Variants in CACHD1 observed in about 807,000 individuals in gnomAD.
CACHD1 encodes cache domain containing 1, also known as VWFA and cache domain-containing protein 1.
In CACHD1, 71 loss-of-function variants were observed where a neutral mutation model predicts 138.7. That is an observed-to-expected ratio of 0.51 (90% confidence interval 0.42 to 0.62). The LOEUF (loss-of-function observed/expected upper bound fraction) is 0.62. Ranked by LOEUF, CACHD1 falls within the 20% of genes least tolerant of loss-of-function variation. The pLI is 0.00. For missense variants in CACHD1, 1,389 were observed against 1,625.3 expected, an observed-to-expected ratio of 0.85 and a Z score of 2.50; for synonymous variants, 578 against 591.5, an observed-to-expected ratio of 0.98 and a Z score of 0.33.
chr1:64,664,181 G>A (rs1182111498), intron 14 of CACHD1: 12 of 451,062 alleles, frequency 2.7e-5, no homozygotes, highest in Admixed American at 7.5e-5. Flanking sequence ...ATAAATATAA[G>A]TATAAAGTTT....
intron 26 of CACHD1, among the ~76,000 whole-genome samples, chr1:64,688,448 C>T (rs1335211707): frequency 1.3e-5 from 2 of 152,094 alleles, no homozygotes; most frequent in African/African-American, 2.4e-5. Flanking sequence ...AGTATCTGAA[C>T]CTAGAAACCT....
At chr1:64,499,452 G>A (rs1646325164) in intron 1 of CACHD1, among the ~76,000 whole-genome samples, 1 of 152,208 alleles carries the variant, frequency 6.6e-6, no homozygotes, top group Admixed American at 6.5e-5. Flanking sequence ...GCAACCCTAG[G>A]GAGCTCAGTA....
chr1:64,690,023 C>T (rs76542296), intron 26 of CACHD1, among the ~76,000 whole-genome samples: 3,898 of 152,232 alleles, frequency 0.026, 160 homozygotes, highest in African/African-American at 0.089. Flanking sequence ...CCTCTTCTCC[C>T]GCTCCAGCCC....
chr1:64,603,099 C>CTTTTTTTTTTTT (rs34372401), intron 4 of CACHD1, among the ~76,000 whole-genome samples, 187 bp downstream of exon 4: 1 of 64,896 alleles, frequency 1.5e-5, no homozygotes, highest in African/African-American at 5.0e-5. Flanking sequence ...AAGCTTACAT[C>CTTTTTTTTTTTT]TTTTTTTTTT....
chr1:64,502,438 C>G (rs1164962959), intron 1 of CACHD1, among the ~76,000 whole-genome samples: 1 of 152,124 alleles, frequency 6.6e-6, no homozygotes, highest in Non-Finnish European at 1.5e-5. Flanking sequence ...CTCATTATTA[C>G]TGAATTCCAG....
At position 64,693,040 on chromosome 1, in the gene CACHD1, C is replaced by A. The variant is rs1650613096; in HGVS notation, c.*1479C>A. The A allele has an allele frequency of 6.6e-6, 1 of 152,622 alleles. No individual in the cohort carries two copies. The highest frequency in any genetic ancestry group is 2.4e-5 in the African/African-American group (1 of 41,460). The allele number at this position is 152,622 out of a possible 1,614,324, so 9.5% of individuals were successfully genotyped here. A position where few individuals can be genotyped will look rare whatever the true frequency, so the allele number is the denominator to read the frequency against. ...TAAAATTGCAATCTAGTGAAATAAACCGTATGCAATGGACCATTTTAGTGG... is the reference window on the plus strand; with the variant it reads ...TAAAATTGCAATCTAGTGAAATAAAACGTATGCAATGGACCATTTTAGTGG... On this transcript the variant is annotated 3_prime_UTR_variant, in exon 27 of 27. Transcript: ENST00000651257.
intron 15 of CACHD1, among the ~76,000 whole-genome samples, chr1:64,665,624 G>A (rs768391122): frequency 1.8e-4 from 28 of 152,084 alleles, no homozygotes; most frequent in Admixed American, 5.2e-4. Flanking sequence ...GAATCCTTTT[G>A]CATTTCAGTG....
At chr1:64,586,991 T>C (rs1647056180) in intron 3 of CACHD1, among the ~76,000 whole-genome samples, 1 of 152,196 alleles carries the variant, frequency 6.6e-6, no homozygotes. Flanking sequence ...TGTATATGTA[T>C]TAATACTGCC....
rs764044897 is a variant in CACHD1 at position 64,602,879 on chromosome 1, C to T, written c.484C>T (p.Arg162Trp). Residue 162 changes from arginine to tryptophan, a missense_variant, in exon 4 of 27, where the codon CGG becomes TGG. By Grantham distance (101) the Arg-to-Trp change is moderately radical (BLOSUM62 -3). This residue lies in a region of CACHD1 where 1,000 missense variants were observed against 1,114.7 expected (regional missense o/e 0.90). Transcript: ENST00000651257. Reference protein sequence around the residue: ...CDRLSTTVNSRAFNPGRDLNS... With the variant: ...CDRLSTTVNSWAFNPGRDLNS... The stretch of plus-strand genomic sequence containing the variant: ...TCGACTTTCTACTACTGTTAATAGC[C>T]GGGCCTTCAATCCAGGACGAGACTT... The T allele has an allele frequency of 3.8e-5, 62 of 1,613,088 alleles. No individual in the cohort carries two copies. In the Middle Eastern group the frequency reaches 9.9e-4, roughly 26 times the overall value.
intron 7 of CACHD1, among the ~76,000 whole-genome samples, chr1:64,637,799 G>A (rs1441809394): frequency 2.0e-5 from 3 of 152,230 alleles, no homozygotes; most frequent in East Asian, 3.9e-4. Flanking sequence ...AGATTAGTTT[G>A]TATAAAGAAA....
chr1:64,492,314 C>T (rs1646280966), intron 1 of CACHD1, among the ~76,000 whole-genome samples: 1 of 145,870 alleles, frequency 6.9e-6, no homozygotes, highest in Non-Finnish European at 1.5e-5. Flanking sequence ...AGAATAACGG[C>T]ACTTGTATAA....
intron 1 of CACHD1, among the ~76,000 whole-genome samples, chr1:64,529,996 C>T (rs1646569724): frequency 6.6e-6 from 1 of 152,230 alleles, no homozygotes; most frequent in African/African-American, 2.4e-5. Flanking sequence ...AAGATGCCTT[C>T]ATAGCTAACA....
At chr1:64,535,482 C>T (rs1243172954) in intron 1 of CACHD1, among the ~76,000 whole-genome samples, 1 of 151,980 alleles carries the variant, frequency 6.6e-6, no homozygotes, top group Non-Finnish European at 1.5e-5. Context: ...TGTGCCACCA[C>T]ACCTGGTTAA....
intron 4 of CACHD1, among the ~76,000 whole-genome samples, chr1:64,611,978 A>T (rs1237267052): frequency 6.6e-6 from 1 of 152,180 alleles, no homozygotes; most frequent in Non-Finnish European, 1.5e-5. Context: ...ATCATGTTGG[A>T]AGGCAAAGGG....
chr1:64,566,483 C>CCCCCG (rs1553133832), intron 2 of CACHD1, among the ~76,000 whole-genome samples: 14 of 140,920 alleles, frequency 9.9e-5, no homozygotes, highest in African/African-American at 3.4e-4. Flanking sequence ...TTCAATTCCC[C>CCCCCG]CCCCCCCACA....
At chr1:64,480,579 C>T (rs1012648412) in intron 1 of CACHD1, among the ~76,000 whole-genome samples, 1 of 151,926 alleles carries the variant, frequency 6.6e-6, no homozygotes, top group African/African-American at 2.4e-5. Context: ...AATTCTTAGA[C>T]TTACTAGAAT....
chr1:64,582,383 C>T, intron 3 of CACHD1, 79 bp downstream of exon 3: 2 of 1,288,472 alleles, frequency 1.6e-6, no homozygotes, highest in Non-Finnish European at 2.2e-6. Flanking sequence ...TTCAAAATAC[C>T]TGTGTTTATT....
intron 13 of CACHD1, among the ~76,000 whole-genome samples, 171 bp downstream of exon 13, chr1:64,659,044 G>A (rs527939941): frequency 5.9e-5 from 9 of 152,246 alleles, no homozygotes; most frequent in East Asian, 1.9e-4. Flanking sequence ...AAATCAGATC[G>A]TCTAGCAGAC....
intron 4 of CACHD1, among the ~76,000 whole-genome samples, chr1:64,621,370 G>A (rs528851288): frequency 6.6e-6 from 1 of 152,188 alleles, no homozygotes; most frequent in Admixed American, 6.5e-5. Context: ...TAGGAGTGAG[G>A]ATGCTCCCCT....
Sources: allele counts gnomAD v4.1 joint callset (sites outside exome capture counted in the v4.1 genomes callset), GRCh38; gene constraint gnomAD v4.1.1; regional missense constraint gnomAD v4.1.1; transcripts MANE v1.5; gene names NCBI Gene and HGNC (gene_info 2026-07-23, HGNC 2026-07-21).